Variants in FANCC observed in about 807,000 individuals in gnomAD.
FANCC encodes the protein Fanconi anemia group C protein.
FANCC carries 55 observed loss-of-function variants against 71.3 expected under a neutral mutation model. The observed-to-expected ratio is 0.77, with a 90% CI of 0.62 to 0.97. FANCC has a LOEUF of 0.97. Among genes scored for constraint, FANCC ranks in the 50% least tolerant of loss-of-function variants. FANCC has a pLI of 0.00. For missense variants in FANCC, 678 were observed against 670.9 expected, an observed-to-expected ratio of 1.01 and a Z score of -0.12; for synonymous variants, 275 against 244.9, an observed-to-expected ratio of 1.12 and a Z score of -1.15.
intron 10 of FANCC, chr9:95,123,458 G>A: frequency 2.2e-6 from 1 of 461,122 alleles, no homozygotes; most frequent in Non-Finnish European, 4.3e-6. Context: ...CGGGCAACAT[G>A]GTGAAACCCC....
At chr9:95,126,917 T>G in intron 8 of FANCC, 1 of 326,234 alleles carries the variant, frequency 3.1e-6, no homozygotes, top group Non-Finnish European at 5.9e-6. Context: ...GGAGCCTGCC[T>G]GTACTGCCAG....
intron 8 of FANCC, among the ~76,000 whole-genome samples, chr9:95,128,720 T>C (rs1176010212): frequency 6.6e-6 from 1 of 152,196 alleles, no homozygotes; most frequent in Non-Finnish European, 1.5e-5. Flanking sequence ...CTGTGTGGAA[T>C]CTGCTTGTTC....
intron 1 of FANCC, among the ~76,000 whole-genome samples, chr9:95,306,185 T>A (rs1026047484): frequency 1.4e-4 from 22 of 152,234 alleles, no homozygotes; most frequent in Non-Finnish European, 1.0e-4. Context: ...AGAAGTTTTA[T>A]GGTATTGGTT....
At chr9:95,195,196 CAAAAAAAAAAAAA>C (rs34771312) in intron 4 of FANCC, among the ~76,000 whole-genome samples, 1 of 42,616 alleles carries the variant, frequency 2.3e-5, no homozygotes, top group Non-Finnish European at 4.4e-5. Flanking sequence ...GACTCCGTCT[CAAAAAAAAAAAAA>C]AAAAAAAAAA....
rs183863950 is a variant in FANCC at position 95,213,231 on chromosome 9, A to G, written c.345+27418T>C. On this transcript the variant is annotated intron_variant, in intron 4 of 14. Coordinates refer to ENST00000289081, the MANE Select transcript of FANCC (RefSeq NM_000136.3). Reference sequence around the variant, plus strand: ...CAATTGTGGCTCACATTATATTTCTATAGGACACTGCTGCCCTAGAGCAGC... The same window carrying G: ...CAATTGTGGCTCACATTATATTTCTGTAGGACACTGCTGCCCTAGAGCAGC... Among the ~76,000 whole-genome samples, 187 of 152,250 alleles carry G rather than the reference A, an allele frequency of 1.2e-3. 2 individuals are homozygous for G. The highest frequency in any genetic ancestry group is 4.4e-3 in the African/African-American group (182 of 41,554).
chr9:95,304,925 T>C (rs897997386), intron 1 of FANCC, among the ~76,000 whole-genome samples: 10 of 152,148 alleles, frequency 6.6e-5, no homozygotes, highest in South Asian at 4.2e-4. Flanking sequence ...GATTACAATA[T>C]GGTACTTGAC....
Position 95,280,078 on chromosome 9 carries a change from G to A in FANCC, c.-78-30709C>T, listed in dbSNP as rs545537847. Among the ~76,000 whole-genome samples, 3 of 151,612 alleles carry A rather than the reference G, an allele frequency of 2.0e-5. No individual in the cohort carries two copies. In the South Asian group the frequency reaches 6.2e-4, roughly 31 times the overall value. On this transcript the variant is annotated intron_variant, in intron 1 of 14. Transcript: ENST00000289081. ...AGTGAAAAATACAAACAGATTGGAA[G>A]TAAAAGGATAGAAAAGATATGTCAT...
At chr9:95,106,924 T>C in intron 14 of FANCC, 142 bp downstream of exon 14, 1 of 809,848 alleles carries the variant, frequency 1.2e-6, no homozygotes, top group South Asian at 1.5e-5. Flanking sequence ...CCATCCCAGC[T>C]GTCAACCTCC....
chr9:95,268,820 C>T (rs1005102606), intron 1 of FANCC, among the ~76,000 whole-genome samples: 3 of 152,136 alleles, frequency 2.0e-5, no homozygotes, highest in Admixed American at 2.0e-4. Flanking sequence ...CTCACCAGAC[C>T]AGCCATGTGA....
intron 6 of FANCC, among the ~76,000 whole-genome samples, chr9:95,151,384 G>A (rs1391883745): frequency 2.6e-5 from 4 of 152,208 alleles, no homozygotes; most frequent in Non-Finnish European, 5.9e-5. Flanking sequence ...ATTTTCATAT[G>A]TAATTGTAAA....
intron 4 of FANCC, among the ~76,000 whole-genome samples, chr9:95,203,393 A>AAAAAG (rs929372793): frequency 6.6e-6 from 1 of 151,614 alleles, no homozygotes; most frequent in Non-Finnish European, 1.5e-5. Flanking sequence ...AAAAAAAAAA[A>AAAAAG]AAACACCTGA....
chr9:95,126,428 C>T, intron 9 of FANCC, 101 bp downstream of exon 9: 1 of 1,159,144 alleles, frequency 8.6e-7, no homozygotes, highest in Non-Finnish European at 1.3e-6. Context: ...ACTCTAATTT[C>T]CCCATGATAC....
intron 4 of FANCC, among the ~76,000 whole-genome samples, chr9:95,174,014 T>C (rs571568494): frequency 6.6e-6 from 1 of 152,324 alleles, no homozygotes; most frequent in East Asian, 1.9e-4. Flanking sequence ...AATATAAAAA[T>C]AATCCATAAA....
At chr9:95,119,841 A>G (rs2072729499) in intron 10 of FANCC, among the ~76,000 whole-genome samples, 1 of 152,102 alleles carries the variant, frequency 6.6e-6, no homozygotes, top group South Asian at 2.1e-4. Context: ...CCTCCCGAGT[A>G]GCTAGGACAA....
chr9:95,250,015 C>G (rs1438118320), intron 1 of FANCC, among the ~76,000 whole-genome samples: 2 of 152,310 alleles, frequency 1.3e-5, no homozygotes, highest in Middle Eastern at 3.4e-3. Flanking sequence ...ATAAATTCCA[C>G]TTACTGAGGA....
intron 1 of FANCC, among the ~76,000 whole-genome samples, chr9:95,255,732 G>T (rs914706031): frequency 6.6e-6 from 1 of 151,928 alleles, no homozygotes; most frequent in East Asian, 1.9e-4. Flanking sequence ...TTCAGAAGGT[G>T]GGTAATAACA....
intron 5 of FANCC, 116 bp from the exon 6 acceptor site, chr9:95,171,259 A>T (rs1825661637): frequency 2.6e-6 from 2 of 774,668 alleles, no homozygotes; most frequent in Non-Finnish European, 4.5e-6. Flanking sequence ...CCATCTTCTC[A>T]TGTTTCACTC....
Position 95,107,275 on chromosome 9 carries a change from C to G in FANCC, c.1330-6G>C, listed in dbSNP as rs1223668739. The G allele has an allele frequency of 1.2e-6, 2 of 1,612,768 alleles. No homozygotes were observed. The highest frequency in any genetic ancestry group is 2.2e-5 in the South Asian group (2 of 90,886). On this transcript the variant is annotated splice_region_variant and splice_polypyrimidine_tract_variant and intron_variant, in intron 13 of 14. Coordinates refer to ENST00000289081, the MANE Select transcript of FANCC (RefSeq NM_000136.3). ...AGCACGGCCTTCACCTGGACCTGGGCAATAGTATTTCACAGGGGAGAGGTT... is the reference window on the plus strand; with the variant it reads ...AGCACGGCCTTCACCTGGACCTGGGGAATAGTATTTCACAGGGGAGAGGTT...
intron 6 of FANCC, among the ~76,000 whole-genome samples, chr9:95,163,811 C>T (rs770571971): frequency 7.2e-5 from 11 of 152,286 alleles, no homozygotes; most frequent in South Asian, 2.1e-4. Flanking sequence ...ATTGCGCCAT[C>T]GCATGCCAGC....
Sources: gnomAD v4.1 joint callset for allele counts (sites outside exome capture counted in the v4.1 genomes callset) on GRCh38, gnomAD v4.1.1 for gene constraint, MANE v1.5 for transcripts, NCBI Gene and HGNC (gene_info 2026-07-23, HGNC 2026-07-21) for gene names.